The following MYO5A variants were observed in gnomAD, a reference collection of about 807,000 sequenced individuals.
The protein encoded by MYO5A is unconventional myosin-Va.
MYO5A carries 98 observed loss-of-function variants against 249.7 expected under a neutral mutation model. That is an observed-to-expected ratio of 0.39 (90% CI 0.33 to 0.46). The LOEUF (loss-of-function observed/expected upper bound fraction) is 0.46, where lower values mean the gene tolerates loss of function less well. MYO5A is among the 20% of genes least tolerant of loss of function. The pLI, the probability that MYO5A is intolerant of heterozygous loss-of-function variation, is 0.98. For synonymous variants in MYO5A, 778 were observed against 810.6 expected, an observed-to-expected ratio of 0.96 and a Z score of 0.68; for missense variants, 1,696 against 2,308.8, an observed-to-expected ratio of 0.73 and a Z score of 5.44.
At chr15:52,483,835 C>T (rs11856942) in intron 1 of MYO5A, among the ~76,000 whole-genome samples, 3,585 of 152,288 alleles carry the variant, frequency 0.024, 63 homozygotes, top group Middle Eastern at 0.044. Flanking sequence ...TATAACACAA[C>T]GATTTAGAAA....
intron 1 of MYO5A, among the ~76,000 whole-genome samples, chr15:52,455,861 C>T (rs1163358203): frequency 1.3e-5 from 2 of 151,706 alleles, no homozygotes; most frequent in Admixed American, 1.3e-4. Flanking sequence ...CAGCTAACAT[C>T]ATTGAATGGG....
intron 25 of MYO5A, among the ~76,000 whole-genome samples, chr15:52,356,361 G>A (rs979871096): frequency 1.3e-5 from 2 of 151,942 alleles, no homozygotes; most frequent in African/African-American, 4.8e-5. Context: ...TAATCCTATC[G>A]CCACAGAAAA....
At chr15:52,503,966 C>A in intron 1 of MYO5A, among the ~76,000 whole-genome samples, 1 of 151,304 alleles carries the variant, frequency 6.6e-6, no homozygotes, top group East Asian at 1.9e-4. Context: ...AGAAACCAGG[C>A]GGAAGTGAAA....
At chr15:52,389,533 C>A (rs1037376185) in intron 12 of MYO5A, among the ~76,000 whole-genome samples, 170 bp from the exon 13 acceptor site, 2 of 152,078 alleles carry the variant, frequency 1.3e-5, no homozygotes, top group Non-Finnish European at 2.9e-5. Flanking sequence ...AGGCCAACAA[C>A]CAATTACTAA....
chr15:52,393,725 T>C (rs2042363448), intron 11 of MYO5A, among the ~76,000 whole-genome samples: 1 of 152,180 alleles, frequency 6.6e-6, no homozygotes, highest in South Asian at 2.1e-4. Flanking sequence ...AACGAGCTAT[T>C]ATAAGCTTTA....
intron 1 of MYO5A, among the ~76,000 whole-genome samples, chr15:52,456,764 C>T (rs1333937185): frequency 6.6e-6 from 1 of 152,114 alleles, no homozygotes; most frequent in Non-Finnish European, 1.5e-5. Context: ...ACTGGATAAC[C>T]ATATGCAGAA....
rs117410733 is a variant in MYO5A at position 52,363,363 on chromosome 15, A to G, written c.3309+1191T>C. Among the ~76,000 whole-genome samples the G allele has an allele frequency of 7.2e-3, 1,097 of 152,364 alleles. 8 individuals carry two copies. Among genetic ancestry groups the G allele is most frequent in the Non-Finnish European group, 0.013 (876 of 68,036 alleles). ...AGATTTGTCAATTATAAGAACAGTT[A>G]TAATGGTGACTTGCATCTACTTCTA... On this transcript the variant is annotated intron_variant, in intron 24 of 41. Coordinates refer to ENST00000399233, the MANE Select transcript of MYO5A (RefSeq NM_001382347.1).
chr15:52,313,526 T>C lies in MYO5A; in HGVS notation c.*170A>G, dbSNP rs1173343786. ...AACACAGCACGAAAGAGCCTATCTT[T>C]GTTTCCAAAGTGATGAAAGTATTCT... is the stretch of plus-strand genomic sequence containing the variant. On this transcript the variant is annotated 3_prime_UTR_variant, in exon 42 of 42. Transcript: ENST00000399233. The C allele has an allele frequency of 1.2e-6, 1 of 865,314 alleles. No homozygotes were observed. Among genetic ancestry groups the C allele is most frequent in the Non-Finnish European group, 1.8e-6 (1 of 555,914 alleles). 53.6% of individuals were successfully genotyped at this position (865,314 alleles called of 1,614,324 possible). A position where few individuals can be genotyped will look rare whatever the true frequency, so the allele number is the denominator to read the frequency against.
chr15:52,336,789 C>T (rs2039141234), intron 33 of MYO5A, among the ~76,000 whole-genome samples: 3 of 152,234 alleles, frequency 2.0e-5, no homozygotes, highest in African/African-American at 7.2e-5. Flanking sequence ...GGACAGCAGG[C>T]TCACTGCAGA....
In MYO5A at chr15:52,505,646, C is replaced by T. The variant is rs1008420377; in HGVS notation, c.27+23134G>A. The T allele has an allele frequency of 7.0e-6, 9 of 1,288,728 alleles. No homozygotes were observed. In the South Asian group the frequency reaches 8.3e-5, roughly 12 times the overall value. The allele number at this position is 1,288,728 out of a possible 1,614,324, so 79.8% of individuals were successfully genotyped here. On this transcript the variant is annotated intron_variant, in intron 1 of 41. Coordinates refer to ENST00000399233, the MANE Select transcript of MYO5A (RefSeq NM_001382347.1). ...GATGTGAAATCTTGGGATGATGAGA[C>T]AGATATGGCGAAATTAGAGGGCGTC...
intron 3 of MYO5A, among the ~76,000 whole-genome samples, chr15:52,427,948 G>A (rs867763151): frequency 1.1e-4 from 16 of 152,276 alleles, no homozygotes; most frequent in African/African-American, 3.4e-4. Flanking sequence ...GCAATGAGCA[G>A]GGGCCCAGGC....
intron 1 of MYO5A, among the ~76,000 whole-genome samples, chr15:52,472,321 G>A (rs1350644250): frequency 6.6e-6 from 1 of 151,952 alleles, no homozygotes; most frequent in Non-Finnish European, 1.5e-5. Context: ...CCTCGTGATC[G>A]GCCCACCTCG....
intron 40 of MYO5A, among the ~76,000 whole-genome samples, chr15:52,315,677 T>C (rs1169761914): frequency 1.3e-5 from 2 of 151,766 alleles, no homozygotes; most frequent in African/African-American, 4.8e-5. Context: ...CCTGGCCTAC[T>C]GATTTTTTCT....
In MYO5A at chr15:52,389,290, T is replaced by C. The variant is rs762807088; in HGVS notation, c.1616A>G (p.Glu539Gly). The change falls in exon 13 of 42, where the codon GAA (glutamate) becomes GGA (glycine). Residue 539 changes from glutamate (E) to glycine (G), a missense_variant. By Grantham distance (98) the Glu-to-Gly change is moderately conservative (BLOSUM62 -2). Around this residue, in one of 5 missense-constraint regions of MYO5A, gnomAD observed 277 missense variants for 422.4 expected, o/e 0.66. Coordinates refer to ENST00000399233, the MANE Select transcript of MYO5A (RefSeq NM_001382347.1). The stretch of plus-strand genomic sequence containing the variant: ...AGCTTTGTTTGATAGACGAGGCTTT[T>C]CAAAGAGTGCACATTTGTTCAAATG... ...NTHLNKCALF[E>G]KPRLSNKAFI... 3.1e-6 allele frequency: 5 copies of C among 1,613,484 alleles called. No individual in the cohort carries two copies. In the East Asian group the frequency reaches 1.1e-4, roughly 36 times the overall value.
chr15:52,414,993 A>C (rs185874467), intron 5 of MYO5A, among the ~76,000 whole-genome samples: 7 of 152,238 alleles, frequency 4.6e-5, no homozygotes, highest in African/African-American at 1.7e-4. Flanking sequence ...TCCCCATCAT[A>C]TCTTGTTTTT....
intron 5 of MYO5A, 72 bp downstream of exon 5, chr15:52,416,073 T>C: frequency 6.4e-7 from 1 of 1,553,444 alleles, no homozygotes; most frequent in South Asian, 1.1e-5. Flanking sequence ...AGACATGCTG[T>C]ATCAATCAAT....
intron 1 of MYO5A, among the ~76,000 whole-genome samples, chr15:52,479,870 A>G (rs2076679710): frequency 6.6e-6 from 1 of 152,230 alleles, no homozygotes; most frequent in Non-Finnish European, 1.5e-5. Context: ...AAAGAGCTGG[A>G]CAGTGAGTCT....
intron 1 of MYO5A, among the ~76,000 whole-genome samples, chr15:52,443,544 C>G (rs2075826541): frequency 6.6e-6 from 1 of 151,548 alleles, no homozygotes; most frequent in Admixed American, 6.6e-5. Flanking sequence ...AACCCCGTCT[C>G]TACTAAAAAC....
intron 1 of MYO5A, chr15:52,505,156 G>A (rs751261464): frequency 4.8e-5 from 35 of 729,954 alleles, no homozygotes; most frequent in Non-Finnish European, 7.0e-5. Context: ...CCCTCAATTC[G>A]TACATGGAGA....
Sources: gnomAD v4.1 joint callset for allele counts (sites outside exome capture counted in the v4.1 genomes callset) on GRCh38, gnomAD v4.1.1 for gene constraint, gnomAD v4.1.1 regional missense constraint, MANE v1.5 for transcripts, NCBI Gene and HGNC (gene_info 2026-07-23, HGNC 2026-07-21) for gene names.